The following ATP5F1A variants were observed in gnomAD, a reference collection of about 807,000 sequenced individuals.
ATP5F1A encodes the protein ATP synthase F1 subunit alpha, also known as ATP synthase F(1) complex subunit alpha, mitochondrial.
A neutral mutation model predicts 57.4 loss-of-function variants in ATP5F1A; 24 were observed. The ratio of observed to expected loss-of-function variants is 0.42; its 90% CI spans 0.30 to 0.59. The LOEUF is 0.59. Among genes scored for constraint, ATP5F1A ranks in the 20% least tolerant of loss-of-function variants. The probability of loss-of-function intolerance (pLI) is 0.19; values close to 1 mark genes in which losing one functional copy is unlikely to be tolerated. For missense variants in ATP5F1A, 494 were observed against 707.9 expected, an observed-to-expected ratio of 0.70 and a Z score of 3.43; for synonymous variants, 251 against 255.5, an observed-to-expected ratio of 0.98 and a Z score of 0.17.
chr18:46,097,873 CCT>C (rs2144223201), intron 1 of ATP5F1A: 3 of 1,207,082 alleles, frequency 2.5e-6, no homozygotes, highest in East Asian at 7.3e-5. Flanking sequence ...GCGCCCAAGC[CCT>C]GACCTTCACC....
At chr18:46,100,778 A>G (rs555020205), upstream of ATP5F1A, among the ~76,000 whole-genome samples, 2 of 152,280 alleles carry the variant, frequency 1.3e-5, no homozygotes, top group South Asian at 4.1e-4. Context: ...ATTAGATAAA[A>G]CTGGTTTAGG....
chr18:46,088,531 G>A (rs1910296852), intron 5 of ATP5F1A: 1 of 248,458 alleles, frequency 4.0e-6, no homozygotes, highest in South Asian at 8.4e-5. Context: ...GTAAAAATGT[G>A]TTTGCAGGCA....
chr18:46,098,061 G>A (rs1034220442), intron 1 of ATP5F1A, 111 bp downstream of exon 1: 85 of 1,441,246 alleles, frequency 5.9e-5, no homozygotes, highest in Non-Finnish European at 7.6e-5. Flanking sequence ...GGTGCAAGAT[G>A]GCGGCATTCG....
At chr18:46,091,921 C>T in intron 2 of ATP5F1A, 70 bp from the exon 3 acceptor site, 3 of 1,480,450 alleles carry the variant, frequency 2.0e-6, no homozygotes, top group South Asian at 1.3e-5. Flanking sequence ...AGCTGTAATC[C>T]CAGCACTTTT....
intron 1 of ATP5F1A, 56 bp downstream of exon 1, chr18:46,098,116 C>G (rs766651039): frequency 3.2e-6 from 5 of 1,559,002 alleles, no homozygotes; most frequent in Non-Finnish European, 1.7e-6. Flanking sequence ...AGCCGGCGCA[C>G]CACCACCCTG....
At chr18:46,093,540 A>C (rs896881319) in intron 2 of ATP5F1A, among the ~76,000 whole-genome samples, 1 of 151,664 alleles carries the variant, frequency 6.6e-6, no homozygotes, top group Non-Finnish European at 1.5e-5. Flanking sequence ...CTCTGTCTCA[A>C]AAAACAAAAC....
chr18:46,098,652 A>G (rs1365747132), upstream of ATP5F1A, among the ~76,000 whole-genome samples: 3 of 152,026 alleles, frequency 2.0e-5, no homozygotes, highest in African/African-American at 4.8e-5. Context: ...GACCAGGGCG[A>G]TTAATAGTGT....
chr18:46,088,491 C>T (rs1047608679), intron 5 of ATP5F1A: 9 of 365,660 alleles, frequency 2.5e-5, no homozygotes, highest in South Asian at 1.4e-4. Flanking sequence ...TAAGGTTTAA[C>T]GGATTTAGGG....
chr18:46,095,781 T>C (rs2144214528), intron 1 of ATP5F1A, among the ~76,000 whole-genome samples: 1 of 152,194 alleles, frequency 6.6e-6, no homozygotes, highest in African/African-American at 2.4e-5. Context: ...CTGGCCAGGC[T>C]AATTTTTGTA....
At chr18:46,085,382 G>A (rs28504655) in intron 10 of ATP5F1A, 58,141 of 148,872 alleles carry the variant, frequency 0.39, 11,492 homozygotes, top group Middle Eastern at 0.55. Flanking sequence ...CGCCTATAAT[G>A]CCAGCACTTT....
In ATP5F1A at chr18:46,082,040, C is replaced by T. The variant is rs560840120; in HGVS notation, c.*2242G>A. 6.7e-6 allele frequency: 1 copy of T among 148,586 alleles called. No homozygotes were observed. Among genetic ancestry groups the T allele is most frequent in the African/African-American group, 2.5e-5 (1 of 40,244 alleles). The allele number at this position is 148,586 out of a possible 1,614,324, so 9.2% of individuals were successfully genotyped here. ...TAGGAAAAATATTTTAGAACATGAC[C>T]ATGTATGACCCTTACAGACAAAAGC... is the stretch of plus-strand genomic sequence containing the variant. On this transcript the variant is annotated 3_prime_UTR_variant, in exon 12 of 12. Transcript: ENST00000398752.
At chr18:46,087,926 A>G (rs555768219) in intron 6 of ATP5F1A, 183 bp downstream of exon 6, 103 of 632,024 alleles carry the variant, frequency 1.6e-4, no homozygotes, top group African/African-American at 1.5e-3. Flanking sequence ...CTTCCACTTT[A>G]AAGAAACCAA....
chr18:46,095,319 C>T (rs1910861506), intron 1 of ATP5F1A, among the ~76,000 whole-genome samples, 188 bp from the exon 2 acceptor site: 1 of 152,020 alleles, frequency 6.6e-6, no homozygotes, highest in Admixed American at 6.6e-5. Context: ...TTATACAGCT[C>T]CTAGTACACA....
chr18:46,099,684 T>A (rs1476838797), upstream of ATP5F1A, among the ~76,000 whole-genome samples: 6 of 152,082 alleles, frequency 3.9e-5, no homozygotes, highest in East Asian at 1.2e-3. Context: ...GGTCTCGAAC[T>A]CCTGGCTTCA....
chr18:46,085,485 C>CAGGCAT (rs1416961869), intron 10 of ATP5F1A: 1 of 151,110 alleles, frequency 6.6e-6, no homozygotes, highest in Non-Finnish European at 1.5e-5. Context: ...AAAAATTAGC[C>CAGGCAT]AGGCATGGTA....
rs1447816062 is a variant in ATP5F1A, at chr18:46,084,370, G to T, written c.1581-7C>A. 1.2e-6 allele frequency: 2 copies of T among 1,609,572 alleles called. No homozygotes were observed. The highest frequency in any genetic ancestry group is 1.7e-5 in the Admixed American group (1 of 58,942). On this transcript the variant is annotated splice_polypyrimidine_tract_variant and splice_region_variant and intron_variant, in intron 11 of 11. Coordinates refer to ENST00000398752, the MANE Select transcript of ATP5F1A (RefSeq NM_004046.6). ...TGAGATCTTTCCATCAGCCCTATTT[G>T]GAAATAAAAGCAGGTCGTAAGTTCT... is the stretch of plus-strand genomic sequence containing the variant.
intron 1 of ATP5F1A, among the ~76,000 whole-genome samples, chr18:46,097,313 C>CA (rs920316665): frequency 4.6e-5 from 7 of 150,758 alleles, no homozygotes; most frequent in African/African-American, 7.3e-5. Flanking sequence ...ACTTTTAGAA[C>CA]AAAAAAAAAG....
intron 1 of ATP5F1A, among the ~76,000 whole-genome samples, chr18:46,095,932 A>C (rs1188669472): frequency 6.6e-6 from 1 of 151,668 alleles, no homozygotes; most frequent in African/African-American, 2.4e-5. Flanking sequence ...TCTGTCACCC[A>C]AGCTGGAGTG....
intron 1 of ATP5F1A, among the ~76,000 whole-genome samples, chr18:46,103,446 A>G (rs572778445): frequency 1.3e-5 from 2 of 151,412 alleles, no homozygotes; most frequent in East Asian, 3.9e-4. Flanking sequence ...ACTAAGATAC[A>G]AAAAATTAGC....
Sources: gnomAD v4.1 joint callset for allele counts (sites outside exome capture counted in the v4.1 genomes callset) on GRCh38, gnomAD v4.1.1 for gene constraint, MANE v1.5 for transcripts, NCBI Gene and HGNC (gene_info 2026-07-23, HGNC 2026-07-21) for gene names.